The following PIK3C2G variants were observed in gnomAD, a reference collection of about 807,000 sequenced individuals.
PIK3C2G encodes phosphatidylinositol 3-kinase C2 domain-containing subunit gamma.
Under a neutral mutation model 181.1 loss-of-function variants are expected in PIK3C2G, and 168 were observed. The ratio of observed to expected loss-of-function variants is 0.93; its 90% confidence interval spans 0.82 to 1.05. The LOEUF is 1.05. PIK3C2G is among the 50% of genes least tolerant of loss of function. The pLI is 0.00. For synonymous variants in PIK3C2G, 573 were observed against 592.2 expected (o/e 0.97, Z 0.47); for missense variants, 1,869 against 1,732.8 (o/e 1.08, Z -1.40).
chr12:18,514,350 G>T (rs555421860), intron 24 of PIK3C2G, among the ~76,000 whole-genome samples: 1 of 151,798 alleles, frequency 6.6e-6, no homozygotes. Context: ...TATAATCTAC[G>T]TCCAATATTT....
chr12:18,355,560 G>A (rs1320858093), intron 11 of PIK3C2G, among the ~76,000 whole-genome samples: 3 of 152,086 alleles, frequency 2.0e-5, no homozygotes, highest in African/African-American at 7.2e-5. Context: ...CTGGCCAGCC[G>A]GCTGCACGGG....
intron 6 of PIK3C2G, among the ~76,000 whole-genome samples, chr12:18,319,068 G>C (rs1950993477): frequency 6.6e-6 from 1 of 151,462 alleles, no homozygotes; most frequent in African/African-American, 2.4e-5. Context: ...CTGAGCGACA[G>C]AGCAAGACTC....
chr12:18,282,620 C>T lies in PIK3C2G; in HGVS notation c.539C>T (p.Ser180Leu). 3 of 1,613,112 alleles carry T rather than the reference C, an allele frequency of 1.9e-6. No homozygotes were observed. Among genetic ancestry groups the T allele is most frequent in the Non-Finnish European group, 2.5e-6 (3 of 1,179,210 alleles). The change falls in exon 2 of 33, where the codon TCA becomes TTA. Residue 180 changes from serine to leucine, a missense_variant. Physicochemically the swap from Ser to Leu is moderately radical, Grantham distance 145. Transcript: ENST00000538779. ...GFESSIPPTN[S>L]SFSSDFMPKE... ...GAAAGTAGCATTCCTCCAACAAATT[C>T]ATCCTTCTCAAGTGACTTCATGCCG...
chr12:18,468,735 T>A (rs1223274488), intron 18 of PIK3C2G, among the ~76,000 whole-genome samples: 1 of 152,112 alleles, frequency 6.6e-6, no homozygotes, highest in African/African-American at 2.4e-5. Flanking sequence ...GATTCAAAAT[T>A]GGTTGCTCAA....
the PIK3C2G span, among the ~76,000 whole-genome samples, chr12:18,671,662 A>T: frequency 1.3e-5 from 2 of 152,202 alleles, no homozygotes; most frequent in Admixed American, 1.3e-4. Context: ...AAAAAATTTC[A>T]TTATTGCAGA....
At chr12:18,343,457 G>T in intron 10 of PIK3C2G, 97 bp downstream of exon 10, 2 of 585,844 alleles carry the variant, frequency 3.4e-6, no homozygotes, top group Admixed American at 3.1e-5. Context: ...AAATACTGTG[G>T]TAACACACAA....
intron 26 of PIK3C2G, among the ~76,000 whole-genome samples, chr12:18,560,020 T>G (rs1945265716): frequency 6.6e-6 from 1 of 151,296 alleles, no homozygotes; most frequent in Admixed American, 6.6e-5. Context: ...ATTTTTTGTA[T>G]TTTTAGTAGA....
At chr12:18,559,809 TATATATATATATAGAGAGAG>T (rs1247326041) in intron 26 of PIK3C2G, among the ~76,000 whole-genome samples, 479 of 37,052 alleles carry the variant, frequency 0.013, no homozygotes, top group Non-Finnish European at 0.02. Context: ...TATATATATA[TATATATATATATAGAGAGAG>T]AGAGAGAGAG....
intron 25 of PIK3C2G, among the ~76,000 whole-genome samples, chr12:18,540,292 G>A (rs10841036): frequency 0.29 from 43,747 of 151,730 alleles, 6,737 homozygotes; most frequent in African/African-American, 0.4. Context: ...ATAACTACAT[G>A]TGAGGAATAG....
At chr12:18,592,997 T>C (rs1020599946) in intron 29 of PIK3C2G, among the ~76,000 whole-genome samples, 2 of 151,906 alleles carry the variant, frequency 1.3e-5, no homozygotes, top group Admixed American at 6.6e-5. Context: ...GTCTGTAGGG[T>C]TGGTTCCTTC....
chr12:18,676,493 A>G, the PIK3C2G span, among the ~76,000 whole-genome samples: 1 of 151,994 alleles, frequency 6.6e-6, no homozygotes, highest in African/African-American at 2.4e-5. Context: ...AGTACTCTCA[A>G]CCACCTGAGG....
intron 18 of PIK3C2G, among the ~76,000 whole-genome samples, chr12:18,471,005 TAAG>T (rs976513148): frequency 1.3e-5 from 2 of 152,152 alleles, no homozygotes; most frequent in Non-Finnish European, 2.9e-5. Context: ...TTTAAAAAGT[TAAG>T]AAACGTTAAC....
intron 24 of PIK3C2G, among the ~76,000 whole-genome samples, chr12:18,528,173 C>T (rs1019195675): frequency 6.6e-6 from 1 of 152,118 alleles, no homozygotes; most frequent in African/African-American, 2.4e-5. Flanking sequence ...AATTTGCCTT[C>T]TCAATTAACT....
intron 26 of PIK3C2G, among the ~76,000 whole-genome samples, chr12:18,558,706 A>C (rs1198229841): frequency 6.6e-6 from 1 of 152,188 alleles, no homozygotes; most frequent in Non-Finnish European, 1.5e-5. Flanking sequence ...TGGCAAGTTA[A>C]GGTCTTTGTC....
chr12:18,594,365 T>C, intron 29 of PIK3C2G, 129 bp from the exon 30 acceptor site: 2 of 561,202 alleles, frequency 3.6e-6, no homozygotes, highest in East Asian at 3.4e-5. Context: ...TAATATACTT[T>C]CTCTCTATTT....
intron 30 of PIK3C2G, among the ~76,000 whole-genome samples, chr12:18,595,786 TG>T (rs1947328999): frequency 6.6e-6 from 1 of 152,094 alleles, no homozygotes; most frequent in Admixed American, 6.6e-5. Flanking sequence ...TAATAAGTTT[TG>T]AAAAATCATC....
chr12:18,474,396 T>C (rs565532386), intron 18 of PIK3C2G, among the ~76,000 whole-genome samples: 133 of 152,262 alleles, frequency 8.7e-4, no homozygotes, highest in African/African-American at 3.0e-3. Context: ...GAACTGGTAA[T>C]GAGACGTCCT....
upstream of PIK3C2G, among the ~76,000 whole-genome samples, chr12:18,245,194 T>C (rs546095545): frequency 5.9e-5 from 9 of 152,222 alleles, no homozygotes; most frequent in South Asian, 1.7e-3. Flanking sequence ...GCATAGTCTA[T>C]TTTATATAAT....
the PIK3C2G span, among the ~76,000 whole-genome samples, chr12:18,725,673 C>G: frequency 6.6e-6 from 1 of 152,126 alleles, no homozygotes; most frequent in African/African-American, 2.4e-5. Flanking sequence ...GATTTCTGCT[C>G]TTATCTTTTT....
Sources: allele counts gnomAD v4.1 joint callset (sites outside exome capture counted in the v4.1 genomes callset), GRCh38; gene constraint gnomAD v4.1.1; transcripts MANE v1.5; gene names NCBI Gene and HGNC (gene_info 2026-07-23, HGNC 2026-07-21).